FCRL6: variants seen among roughly 807,000 people sequenced by gnomAD.
The protein encoded by FCRL6 is Fc receptor like 6.
A neutral mutation model predicts 49.1 loss-of-function variants in FCRL6; 50 were observed. The ratio of observed to expected loss-of-function variants is 1.02; its 90% CI spans 0.81 to 1.29. The LOEUF is 1.29. FCRL6 is among the 50% of genes most tolerant of loss of function. The probability of loss-of-function intolerance (pLI) is 0.00; values close to 1 mark genes in which losing one functional copy is unlikely to be tolerated. For synonymous variants in FCRL6, 213 were observed against 199.6 expected (o/e 1.07, Z -0.57); for missense variants, 571 against 518.5 (o/e 1.10, Z -0.98).
chr1:159,808,101 T>A, intron 2 of FCRL6, 77 bp from the exon 3 acceptor site: 1 of 1,523,442 alleles, frequency 6.6e-7, no homozygotes, highest in Non-Finnish European at 8.9e-7. Flanking sequence ...CAGGAGGCCT[T>A]AGGCTGGGGG....
intron 1 of FCRL6, 82 bp from the exon 2 acceptor site, chr1:159,806,514 C>T (rs1662695069): frequency 1.6e-6 from 2 of 1,243,238 alleles, no homozygotes; most frequent in South Asian, 1.2e-5. Flanking sequence ...GGTGTAAGTC[C>T]CCATTGCTGA....
At chr1:159,807,580 G>C (rs1185179687) in intron 2 of FCRL6, among the ~76,000 whole-genome samples, 2 of 152,222 alleles carry the variant, frequency 1.3e-5, no homozygotes, top group Admixed American at 6.5e-5. Context: ...GCCCTGCTGA[G>C]GGTAGAGATG....
chr1:159,814,458 C>G (rs1436176078), intron 8 of FCRL6, among the ~76,000 whole-genome samples, 166 bp downstream of exon 8: 1 of 152,144 alleles, frequency 6.6e-6, no homozygotes, highest in Non-Finnish European at 1.5e-5. Flanking sequence ...CCATCTCCTC[C>G]TTCACTACCA....
chr1:159,800,938 A>G (rs1283059501), upstream of FCRL6, among the ~76,000 whole-genome samples: 1 of 152,176 alleles, frequency 6.6e-6, no homozygotes. Flanking sequence ...AGGCAGGAAA[A>G]TCACTTGAAC....
chr1:159,808,734 G>A (rs1216342802), intron 3 of FCRL6: 6 of 606,558 alleles, frequency 9.9e-6, no homozygotes, highest in South Asian at 2.1e-5. Context: ...AGAGGACTTC[G>A]AAGGCCCCCT....
chr1:159,810,673 A>G (rs1403784023), intron 6 of FCRL6, among the ~76,000 whole-genome samples: 1 of 152,160 alleles, frequency 6.6e-6, no homozygotes, highest in East Asian at 1.9e-4. Context: ...GTGTGTATGC[A>G]TAGGCTCACT....
At chr1:159,809,805 C>A in intron 5 of FCRL6, 122 bp downstream of exon 5, 2 of 881,510 alleles carry the variant, frequency 2.3e-6, no homozygotes, top group Non-Finnish European at 3.5e-6. Context: ...CACTGCATGA[C>A]TGAGCATGGA....
At chr1:159,811,125 A>T (rs1663063999) in intron 6 of FCRL6, among the ~76,000 whole-genome samples, 1 of 152,250 alleles carries the variant, frequency 6.6e-6, no homozygotes, top group Non-Finnish European at 1.5e-5. Flanking sequence ...TTGATATTCC[A>T]GACTTTCTTC....
At chr1:159,809,980 C>G (rs1183736679) in intron 5 of FCRL6, 114 bp from the exon 6 acceptor site, 1 of 1,342,274 alleles carries the variant, frequency 7.5e-7, no homozygotes, top group African/African-American at 1.5e-5. Flanking sequence ...GAGGCTCCCC[C>G]AGGCCAGACG....
At chr1:159,802,651 C>T (rs528222699) in intron 1 of FCRL6, among the ~76,000 whole-genome samples, 196 bp downstream of exon 1, 6 of 152,140 alleles carry the variant, frequency 3.9e-5, no homozygotes, top group East Asian at 1.9e-4. Context: ...TTTCCTACCC[C>T]GTAGTCCTGG....
At chr1:159,809,815 A>C (rs1367739681) in intron 5 of FCRL6, 132 bp downstream of exon 5, 6 of 831,706 alleles carry the variant, frequency 7.2e-6, no homozygotes, top group Non-Finnish European at 1.1e-5. Flanking sequence ...CTGAGCATGG[A>C]CCCTAATTAG....
At position 159,809,178 on chromosome 1, in the gene FCRL6, G is replaced by A. The variant is rs1345790376; in HGVS notation, c.537G>A (p.Trp179Ter). The change falls in exon 4 of 10, where the codon TGG becomes TGA. Residue 179 changes from tryptophan to a stop codon, truncating the protein, a stop_gained. Coordinates refer to ENST00000368106, the MANE Select transcript of FCRL6 (RefSeq NM_001004310.3). LOFTEE classifies it high-confidence loss of function. ...GAKEGDSGLYWCEVAPEGGQV... is the reference protein window; with the variant it reads ...GAKEGDSGLY Reference sequence around the variant, plus strand: ...AGGAGGGAGACTCTGGGCTTTACTGGTGTGAGGTGGCCCCTGAGGGTGGCC... The same window carrying A: ...AGGAGGGAGACTCTGGGCTTTACTGATGTGAGGTGGCCCCTGAGGGTGGCC... 6.2e-7 allele frequency: 1 copy of A among 1,610,962 alleles called. No individual in the cohort carries two copies. Among genetic ancestry groups the A allele is most frequent in the Non-Finnish European group, 8.5e-7 (1 of 1,178,542 alleles).
At chr1:159,806,863 A>G (rs1662726852) in intron 2 of FCRL6, among the ~76,000 whole-genome samples, 1 of 152,180 alleles carries the variant, frequency 6.6e-6, no homozygotes, top group African/African-American at 2.4e-5. Context: ...CCTCTATCTT[A>G]TACCCTTAAA....
chr1:159,806,142 G>C (rs1662661026), intron 1 of FCRL6, among the ~76,000 whole-genome samples: 1 of 152,194 alleles, frequency 6.6e-6, no homozygotes, highest in East Asian at 1.9e-4. Flanking sequence ...ATAACATGTA[G>C]GCAATTTAAT....
chr1:159,814,173 G>A (rs1312324895), intron 7 of FCRL6, 48 bp from the exon 8 acceptor site: 1 of 1,537,560 alleles, frequency 6.5e-7, no homozygotes, highest in Non-Finnish European at 9.0e-7. Flanking sequence ...TATGACATGA[G>A]GTGGGAGAGT....
In FCRL6 at chr1:159,809,057, T is replaced by C. The variant is rs2101747258; in HGVS notation, c.416T>C (p.Leu139Pro). Reference sequence around the variant, plus strand: ...AGATGTCAGACAAAGCTGCACCCCCTGAGGTCAGCCTTGAGGCTCCTTTTC... The same window carrying C: ...AGATGTCAGACAAAGCTGCACCCCCCGAGGTCAGCCTTGAGGCTCCTTTTC... ...TLRCQTKLHP[L>P]RSALRLLFSF... Residue 139 changes from leucine (L) to proline (P), a missense_variant, in exon 4 of 10, where the codon CTG becomes CCG. Coordinates refer to ENST00000368106, the MANE Select transcript of FCRL6 (RefSeq NM_001004310.3). 2 of 1,614,062 alleles carry C rather than the reference T, an allele frequency of 1.2e-6. No individual in the cohort carries two copies. The highest frequency in any genetic ancestry group is 1.7e-6 in the Non-Finnish European group (2 of 1,179,970).
intron 8 of FCRL6, 75 bp downstream of exon 8, chr1:159,814,367 C>G (rs1453109757): frequency 2.0e-6 from 2 of 1,023,364 alleles, no homozygotes; most frequent in East Asian, 4.8e-5. Context: ...ATCACTACCA[C>G]TGTCATTACC....
intron 6 of FCRL6, among the ~76,000 whole-genome samples, chr1:159,813,103 A>G (rs570162964): frequency 6.6e-6 from 1 of 152,340 alleles, no homozygotes; most frequent in Admixed American, 6.5e-5. Context: ...GTCACTGGTT[A>G]GGTGCTTTAC....
rs778703492 is a variant in FCRL6, at chr1:159,809,253, C to A, written c.604+8C>A. 3.2e-6 allele frequency: 5 copies of A among 1,543,004 alleles called. No homozygotes were observed. The highest frequency in any genetic ancestry group is 3.5e-6 in the Non-Finnish European group (4 of 1,147,858). ...TGGAGGTCAGAGTGCAGGGTAAGTG[C>A]GCGAGAGAGTGGAGATGCCCCCAGG... On this transcript the variant is annotated splice_region_variant and intron_variant, in intron 4 of 9. Coordinates refer to ENST00000368106, the MANE Select transcript of FCRL6 (RefSeq NM_001004310.3).
Sources: gnomAD v4.1 joint callset for allele counts (sites outside exome capture counted in the v4.1 genomes callset) on GRCh38, gnomAD v4.1.1 for gene constraint, MANE v1.5 for transcripts, NCBI Gene and HGNC (gene_info 2026-07-23, HGNC 2026-07-21) for gene names.